Variants in GADL1 observed in about 807,000 individuals in gnomAD.
GADL1 encodes the protein acidic amino acid decarboxylase GADL1.
A neutral mutation model predicts 69.5 loss-of-function variants in GADL1; 71 were observed. The observed-to-expected ratio is 1.02, with a 90% CI of 0.84 to 1.25. The LOEUF (loss-of-function observed/expected upper bound fraction) is 1.25, where lower values mean the gene tolerates loss of function less well. Among genes scored for constraint, GADL1 ranks in the 50% most tolerant of loss-of-function variants. GADL1 has a pLI of 0.00. For synonymous variants in GADL1, 254 were observed against 214.4 expected, an observed-to-expected ratio of 1.18 and a Z score of -1.62; for missense variants, 737 against 631.8, an observed-to-expected ratio of 1.17 and a Z score of -1.79.
intron 3 of GADL1, among the ~76,000 whole-genome samples, chr3:30,855,156 T>TA (rs549737797): frequency 2.6e-5 from 4 of 152,058 alleles, no homozygotes; most frequent in Admixed American, 6.6e-5. Flanking sequence ...TACCTCATTC[T>TA]AAAAAAATCC....
intron 1 of GADL1, among the ~76,000 whole-genome samples, chr3:30,886,889 T>C (rs1698718082): frequency 6.6e-6 from 1 of 151,360 alleles, no homozygotes; most frequent in African/African-American, 2.5e-5. Flanking sequence ...TGCAGTCTGC[T>C]ACTTCTTTCT....
Position 30,739,491 on chromosome 3 carries a change from T to G in GADL1, c.1393-11076A>C, listed in dbSNP as rs1217128643. Among the ~76,000 whole-genome samples, 3 of 152,312 alleles carry G rather than the reference T, an allele frequency of 2.0e-5. No homozygotes were observed. The East Asian group carries it at 5.8e-4, about 29-fold the overall frequency. Reference sequence around the variant, plus strand: ...CTAAGTTGTCTTTTTGACCTTTTTGTTTGTTTGAATACAGTTGTTCATTAT... The same window carrying G: ...CTAAGTTGTCTTTTTGACCTTTTTGGTTGTTTGAATACAGTTGTTCATTAT... On this transcript the variant is annotated intron_variant, in intron 14 of 14. Coordinates refer to ENST00000282538, the MANE Select transcript of GADL1 (RefSeq NM_207359.3).
At chr3:30,762,265 A>C (rs180840356) in intron 14 of GADL1, among the ~76,000 whole-genome samples, 5 of 152,338 alleles carry the variant, frequency 3.3e-5, no homozygotes, top group East Asian at 3.9e-4. Flanking sequence ...TCATGGCAGT[A>C]ATCTAGGTGA....
chr3:30,760,133 GAAAACTTGGATGTACCA>G (rs1696093202), intron 14 of GADL1, among the ~76,000 whole-genome samples: 1 of 152,112 alleles, frequency 6.6e-6, no homozygotes, highest in Non-Finnish European at 1.5e-5. Flanking sequence ...TTCTTTCAAA[GAAAACTTGGATGTACCA>G]GAAAGAGAAG....
intron 1 of GADL1, among the ~76,000 whole-genome samples, chr3:30,883,683 T>C (rs1698670492): frequency 6.6e-6 from 1 of 152,038 alleles, no homozygotes; most frequent in African/African-American, 2.4e-5. Flanking sequence ...GCAAAAATAA[T>C]GCCATTTGGG....
intron 11 of GADL1, among the ~76,000 whole-genome samples, chr3:30,805,265 G>T (rs147674654): frequency 1.3e-5 from 2 of 152,140 alleles, no homozygotes; most frequent in Admixed American, 1.3e-4. Context: ...GATAGGGCTA[G>T]GTTTCAAACC....
At chr3:30,801,356 A>G (rs1697161473) in intron 11 of GADL1, among the ~76,000 whole-genome samples, 1 of 152,146 alleles carries the variant, frequency 6.6e-6, no homozygotes, top group African/African-American at 2.4e-5. Context: ...AGACCATGTC[A>G]TTATCATTAT....
intron 9 of GADL1, among the ~76,000 whole-genome samples, chr3:30,834,635 C>G (rs565036088): frequency 1.3e-4 from 20 of 152,130 alleles, no homozygotes; most frequent in Non-Finnish European, 2.6e-4. Flanking sequence ...TTTTGCTATT[C>G]AGTGTATGAT....
chr3:30,827,127 C>G (rs1023825792), intron 11 of GADL1, among the ~76,000 whole-genome samples: 2 of 151,828 alleles, frequency 1.3e-5, no homozygotes, highest in African/African-American at 4.8e-5. Flanking sequence ...AAACACATTG[C>G]CATTTGGTGG....
At chr3:30,869,477 G>A (rs1490206440) in intron 1 of GADL1, among the ~76,000 whole-genome samples, 1 of 151,854 alleles carries the variant, frequency 6.6e-6, no homozygotes, top group Non-Finnish European at 1.5e-5. Context: ...TGGCAACTTA[G>A]TCCCTGGATC....
chr3:30,792,286 C>T (rs1359204086), intron 12 of GADL1, among the ~76,000 whole-genome samples: 1 of 152,130 alleles, frequency 6.6e-6, no homozygotes, highest in Non-Finnish European at 1.5e-5. Context: ...CTTAGAAGTA[C>T]ACTTGGCCAG....
Position 30,728,336 on chromosome 3 carries a change from T to C in GADL1, c.1472A>G (p.Asn491Ser), listed in dbSNP as rs754856307. 1.6e-5 allele frequency: 26 copies of C among 1,613,894 alleles called. No homozygotes were observed. In the East Asian group the frequency reaches 5.6e-4, roughly 35 times the overall value. ...LGYQPHRGKV[N>S]FFRQVVISPQ... ...GCTGATCACCACCTGGCGGAAGAAG[T>C]TGACCTTTCCCCGGTGCGGCTGGTA... Residue 491 changes from asparagine (N) to serine (S), a missense_variant, in exon 15 of 15, where the codon AAC becomes AGC. Asn to Ser is a conservative substitution (Grantham distance 46, BLOSUM62 1). Coordinates refer to ENST00000282538, the MANE Select transcript of GADL1 (RefSeq NM_207359.3).
At chr3:30,758,622 G>C (rs931861847) in intron 14 of GADL1, among the ~76,000 whole-genome samples, 1 of 152,146 alleles carries the variant, frequency 6.6e-6, no homozygotes, top group Admixed American at 6.5e-5. Flanking sequence ...ATATAAATGT[G>C]GACCTTCTAC....
chr3:30,794,493 G>A (rs1357564500), intron 12 of GADL1, among the ~76,000 whole-genome samples: 4 of 152,126 alleles, frequency 2.6e-5, no homozygotes, highest in African/African-American at 4.8e-5. Context: ...GTGCCATAGT[G>A]GTAGTTTTAA....
At chr3:30,849,930 C>T in intron 6 of GADL1, 66 bp downstream of exon 6, 1 of 937,686 alleles carries the variant, frequency 1.1e-6, no homozygotes, top group Non-Finnish European at 1.7e-6. Flanking sequence ...CAGGAATCTT[C>T]AAACAAAGCC....
Position 30,816,530 on chromosome 3 carries a change from C to CTTTTTTTTTTTTTTTTTTTT in GADL1, c.1051-15462_1051-15443dup, listed in dbSNP as rs773530741. Among the ~76,000 whole-genome samples, 20 of 53,988 alleles carry CTTTTTTTTTTTTTTTTTTTT rather than the reference C, an allele frequency of 3.7e-4. 7 individuals carry two copies. Among genetic ancestry groups the CTTTTTTTTTTTTTTTTTTTT allele is most frequent in the Non-Finnish European group, 5.1e-4 (13 of 25,434 alleles). 35.4% of individuals were successfully genotyped at this position (53,988 alleles called of 152,430 possible). ...AGACCATATATTCTTAATTTGTTTT[C>CTTTTTTTTTTTTTTTTTTTT]TTTTTTTTTTTTTTTTTTTTTTTTT... is the stretch of plus-strand genomic sequence containing the variant. On this transcript the variant is annotated intron_variant, in intron 11 of 14. Coordinates refer to ENST00000282538, the MANE Select transcript of GADL1 (RefSeq NM_207359.3).
intron 14 of GADL1, among the ~76,000 whole-genome samples, chr3:30,737,580 G>C (rs1446678265): frequency 6.6e-6 from 1 of 151,808 alleles, no homozygotes; most frequent in Non-Finnish European, 1.5e-5. Flanking sequence ...CATTTCCCCT[G>C]ATACCTCCCC....
intron 11 of GADL1, among the ~76,000 whole-genome samples, chr3:30,823,305 C>T (rs1338322408): frequency 6.6e-6 from 1 of 151,866 alleles, no homozygotes; most frequent in Non-Finnish European, 1.5e-5. Flanking sequence ...GTGTGGAGAC[C>T]TGGAGTATTA....
At chr3:30,859,284 CTA>C (rs1336627586) in intron 2 of GADL1, among the ~76,000 whole-genome samples, 1 of 151,876 alleles carries the variant, frequency 6.6e-6, no homozygotes, top group African/African-American at 2.4e-5. Flanking sequence ...TGAAATTAAA[CTA>C]TGATGCTATA....
Sources: gnomAD v4.1 joint callset for allele counts (sites outside exome capture counted in the v4.1 genomes callset) on GRCh38, gnomAD v4.1.1 for gene constraint, MANE v1.5 for transcripts, NCBI Gene and HGNC (gene_info 2026-07-23, HGNC 2026-07-21) for gene names.